The following PLEKHG1 variants were observed in gnomAD, a reference collection of about 807,000 sequenced individuals.
PLEKHG1 encodes the protein pleckstrin homology and RhoGEF domain containing G1, also known as pleckstrin homology domain-containing family G member 1.
PLEKHG1 carries 44 observed loss-of-function variants against 100.8 expected under a neutral mutation model. That is an observed-to-expected ratio of 0.44 (90% CI 0.34 to 0.56). PLEKHG1 has a LOEUF of 0.56. PLEKHG1 is among the 20% of genes least tolerant of loss of function. The pLI is 0.01. For synonymous variants in PLEKHG1, 640 were observed against 662.5 expected, an observed-to-expected ratio of 0.97 and a Z score of 0.52; for missense variants, 1,545 against 1,720.9, an observed-to-expected ratio of 0.90 and a Z score of 1.81.
At chr6:150,795,818 C>G in intron 4 of PLEKHG1, 38 bp from the exon 6 acceptor site, 1 of 1,285,924 alleles carries the variant, frequency 7.8e-7, no homozygotes, top group Non-Finnish European at 1.1e-6. Flanking sequence ...TATGTTTGTG[C>G]TTTGTTGCCT....
At chr6:150,739,354 A>G (rs1782729665) in intron 2 of PLEKHG1, among the ~76,000 whole-genome samples, 1 of 152,136 alleles carries the variant, frequency 6.6e-6, no homozygotes, top group Admixed American at 6.5e-5. Flanking sequence ...TTTATCCATA[A>G]AGTGTATTTT....
chr6:150,644,131 T>C (rs1329125498), intron 2 of PLEKHG1, among the ~76,000 whole-genome samples: 1 of 152,076 alleles, frequency 6.6e-6, no homozygotes, highest in Non-Finnish European at 1.5e-5. Context: ...ATTTGTTGAG[T>C]TGACATTCTC....
intron 3 of PLEKHG1, among the ~76,000 whole-genome samples, chr6:150,701,270 C>T (rs1470812647): frequency 2.7e-5 from 4 of 146,486 alleles, no homozygotes; most frequent in East Asian, 2.0e-4. Context: ...CAGTGAGCCA[C>T]GATCACACCA....
chr6:150,658,020 A>C (rs1350625611), intron 3 of PLEKHG1, among the ~76,000 whole-genome samples: 2 of 152,056 alleles, frequency 1.3e-5, no homozygotes, highest in East Asian at 3.9e-4. Flanking sequence ...AAAATTACCC[A>C]CCTTTAGGCT....
At chr6:150,833,205 G>A (rs911661819) in intron 15 of PLEKHG1, among the ~76,000 whole-genome samples, 8 of 151,506 alleles carry the variant, frequency 5.3e-5, no homozygotes, top group Admixed American at 1.3e-4. Context: ...ACCACGCCCC[G>A]CTAATTTTTT....
At chr6:150,700,509 C>G (rs1780728657) in intron 3 of PLEKHG1, among the ~76,000 whole-genome samples, 1 of 152,172 alleles carries the variant, frequency 6.6e-6, no homozygotes, top group African/African-American at 2.4e-5. Context: ...GATCCTCTTT[C>G]CAGGCTTCAG....
intron 1 of PLEKHG1, among the ~76,000 whole-genome samples, chr6:150,725,554 A>G (rs1377365696): frequency 2.0e-5 from 3 of 152,182 alleles, no homozygotes; most frequent in African/African-American, 7.2e-5. Context: ...GCCTTGTTGG[A>G]TGCATGGTTT....
Position 150,725,553 on chromosome 6 carries a change from G to C in PLEKHG1, c.-99+4353G>C, listed in dbSNP as rs535503932. 1.1e-4 allele frequency among the ~76,000 whole-genome samples: 16 copies of C among 152,200 alleles called. No individual in the cohort carries two copies. The East Asian group carries it at 2.9e-3, about 28-fold the overall frequency. ...AAATATGTGCTTTAACGCCTTGTTGGATGCATGGTTTGCAAATATTTTCTC... is the reference window on the plus strand; with the variant it reads ...AAATATGTGCTTTAACGCCTTGTTGCATGCATGGTTTGCAAATATTTTCTC... On this transcript the variant is annotated intron_variant, in intron 1 of 15. Transcript: ENST00000358517.
Position 150,788,307 on chromosome 6 carries a change from G to A in PLEKHG1, c.582+1848G>A, listed in dbSNP as rs898766985. 1.2e-4 allele frequency among the ~76,000 whole-genome samples: 19 copies of A among 152,316 alleles called. No individual in the cohort carries two copies. The East Asian group carries it at 2.9e-3, about 23-fold the overall frequency. On this transcript the variant is annotated intron_variant, in intron 4 of 15. Coordinates refer to ENST00000358517, the Ensembl canonical transcript of PLEKHG1. ...CAGCCTGACATTTAGAAGATGTTAC[G>A]TCTTCTGAAACACAACCAGCTGTTC...
chr6:150,671,213 C>CT (rs1347773694), intron 3 of PLEKHG1, among the ~76,000 whole-genome samples: 1 of 151,946 alleles, frequency 6.6e-6, no homozygotes, highest in Non-Finnish European at 1.5e-5. Flanking sequence ...GTGTAAGTAT[C>CT]TTTTTTGAAT....
chr6:150,840,636 A>G, exon 16 of PLEKHG1: 2 of 1,614,262 alleles, frequency 1.2e-6, no homozygotes, highest in Non-Finnish European at 1.7e-6. Flanking sequence ...CAATCGTAGA[A>G]GGAAATCTGA....
At chr6:150,674,682 T>TCC (rs71544395) in intron 3 of PLEKHG1, among the ~76,000 whole-genome samples, 3,960 of 103,862 alleles carry the variant, frequency 0.038, 275 homozygotes, top group Non-Finnish European at 0.06. Flanking sequence ...TCTCTCTCTC[T>TCC]CCCCCCTCTT....
intron 3 of PLEKHG1, among the ~76,000 whole-genome samples, chr6:150,715,438 AC>A (rs1487637329): frequency 6.6e-6 from 1 of 150,742 alleles, no homozygotes; most frequent in East Asian, 2.0e-4. Context: ...GAAGTGTGAC[AC>A]CTTTTGGCGT....
intron 3 of PLEKHG1, among the ~76,000 whole-genome samples, chr6:150,666,781 G>T (rs1486193369): frequency 1.4e-5 from 2 of 147,010 alleles, no homozygotes; most frequent in African/African-American, 2.5e-5. Flanking sequence ...TTTTTTTTGA[G>T]ATGGAGTCTC....
intron 2 of PLEKHG1, among the ~76,000 whole-genome samples, chr6:150,641,160 GA>G (rs1778241885): frequency 1.3e-5 from 2 of 152,156 alleles, no homozygotes; most frequent in African/African-American, 2.4e-5. Context: ...CACATAAACA[GA>G]ATCTGGAGAA....
chr6:150,728,924 C>G (rs959464771), intron 1 of PLEKHG1, among the ~76,000 whole-genome samples: 2 of 152,092 alleles, frequency 1.3e-5, no homozygotes, highest in Admixed American at 1.3e-4. Flanking sequence ...AAAATGAAAC[C>G]AGTGAAAATA....
chr6:150,676,879 G>T (rs745935294), intron 3 of PLEKHG1, among the ~76,000 whole-genome samples: 4 of 152,006 alleles, frequency 2.6e-5, no homozygotes, highest in African/African-American at 9.7e-5. Flanking sequence ...CAGCCCCAAG[G>T]TGCCTTAACC....
chr6:150,654,887 A>G (rs1778904796), intron 3 of PLEKHG1, among the ~76,000 whole-genome samples: 1 of 152,288 alleles, frequency 6.6e-6, no homozygotes. Context: ...AGAATGCCAG[A>G]GGACAGGGAT....
intron 3 of PLEKHG1, among the ~76,000 whole-genome samples, chr6:150,711,118 T>G (rs1473376603): frequency 6.6e-6 from 1 of 152,144 alleles, no homozygotes; most frequent in African/African-American, 2.4e-5. Context: ...CTTTTTAACG[T>G]TTTTTAATAG....
Sources: gnomAD v4.1 joint callset for allele counts (sites outside exome capture counted in the v4.1 genomes callset) on GRCh38, gnomAD v4.1.1 for gene constraint, MANE v1.5 for transcripts, NCBI Gene and HGNC (gene_info 2026-07-23, HGNC 2026-07-21) for gene names.